RABGAP1L: variants seen among roughly 807,000 people sequenced by gnomAD.
The protein encoded by RABGAP1L is RAB GTPase activating protein 1 like, also known as rab GTPase-activating protein 1-like.
A neutral mutation model predicts 137.7 loss-of-function variants in RABGAP1L; 63 were observed. That is an observed-to-expected ratio of 0.46 (90% CI 0.37 to 0.56). RABGAP1L has a LOEUF of 0.56. RABGAP1L is among the 20% of genes least tolerant of loss of function. The pLI, the probability that RABGAP1L is intolerant of heterozygous loss-of-function variation, is 0.00. For synonymous variants in RABGAP1L, 431 were observed against 433.7 expected (o/e 0.99, Z 0.08); for missense variants, 1,095 against 1,244.0 (o/e 0.88, Z 1.80).
chr1:174,335,641 A>T lies in RABGAP1L; in HGVS notation c.1465+30514A>T, dbSNP rs577345501. 2.6e-5 allele frequency among the ~76,000 whole-genome samples: 4 copies of T among 152,328 alleles called. No individual in the cohort carries two copies. The East Asian group carries it at 7.7e-4, about 29-fold the overall frequency. ...TTAGAGAGCTACTTGGTTTTGCTTC[A>T]TCTGAATTTTAAACTGGCTTTCTGT... On this transcript the variant is annotated intron_variant, in intron 11 of 25. Transcript: ENST00000681986.
At chr1:174,757,122 T>C in intron 18 of RABGAP1L, 1 of 467,406 alleles carries the variant, frequency 2.1e-6, no homozygotes, top group Non-Finnish European at 4.4e-6. Context: ...GTTGTAATCT[T>C]GTTCAGGTTT....
chr1:174,661,403 G>A (rs1442720832), intron 14 of RABGAP1L, among the ~76,000 whole-genome samples: 1 of 152,086 alleles, frequency 6.6e-6, no homozygotes, highest in East Asian at 1.9e-4. Context: ...GATTCTAAAC[G>A]CTTGAGGAAA....
At chr1:174,174,673 C>G (rs1342654437) in intron 1 of RABGAP1L, among the ~76,000 whole-genome samples, 1 of 152,192 alleles carries the variant, frequency 6.6e-6, no homozygotes, top group Non-Finnish European at 1.5e-5. Context: ...GCTGCTGATG[C>G]AAGTCCTGGA....
intron 7 of RABGAP1L, among the ~76,000 whole-genome samples, chr1:174,261,606 G>T (rs1207125033): frequency 1.3e-5 from 2 of 152,140 alleles, no homozygotes; most frequent in African/African-American, 2.4e-5. Flanking sequence ...CAGTTTTTTA[G>T]TGTGAGTTGA....
intron 20 of RABGAP1L, 114 bp downstream of exon 20, chr1:174,957,663 C>T: frequency 1.0e-6 from 1 of 1,001,368 alleles, no homozygotes; most frequent in African/African-American, 1.6e-5. Flanking sequence ...GCAATCCTCC[C>T]ACTCCAGTCT....
At chr1:174,546,634 G>A (rs1265675755) in intron 13 of RABGAP1L, among the ~76,000 whole-genome samples, 1 of 152,190 alleles carries the variant, frequency 6.6e-6, no homozygotes, top group Non-Finnish European at 1.5e-5. Context: ...TTCAGTCCTT[G>A]CTAGGTAAGG....
intron 17 of RABGAP1L, among the ~76,000 whole-genome samples, chr1:174,741,398 T>G (rs575667833): frequency 6.6e-6 from 1 of 152,280 alleles, no homozygotes; most frequent in Non-Finnish European, 1.5e-5. Context: ...AGTCTTGCCT[T>G]GTCACCCAGG....
chr1:174,662,717 G>C (rs1464252471), intron 14 of RABGAP1L, among the ~76,000 whole-genome samples: 1 of 152,170 alleles, frequency 6.6e-6, no homozygotes, highest in Non-Finnish European at 1.5e-5. Flanking sequence ...TACCACTGGA[G>C]ATAACATCTC....
At chr1:174,723,968 A>G (rs936973309) in intron 17 of RABGAP1L, among the ~76,000 whole-genome samples, 9 of 152,242 alleles carry the variant, frequency 5.9e-5, no homozygotes, top group Non-Finnish European at 5.9e-5. Flanking sequence ...TGTGATAGCA[A>G]CTGGCATATG....
In RABGAP1L at chr1:174,310,005, G is replaced by A. The variant is rs568843089; in HGVS notation, c.1465+4878G>A. 3.3e-5 allele frequency among the ~76,000 whole-genome samples: 5 copies of A among 152,044 alleles called. No individual in the cohort carries two copies. The South Asian group carries it at 1.0e-3, about 31-fold the overall frequency. On this transcript the variant is annotated intron_variant, in intron 11 of 25. Coordinates refer to ENST00000681986, the MANE Select transcript of RABGAP1L (RefSeq NM_001366446.1). ...ATCAGGTCCTGAGCTTCCTTTTTTT[G>A]CTGGGAGACTGTTTATTACTGATCC...
At chr1:174,538,505 A>G (rs1472543740) in intron 13 of RABGAP1L, among the ~76,000 whole-genome samples, 3 of 152,194 alleles carry the variant, frequency 2.0e-5, no homozygotes, top group Non-Finnish European at 4.4e-5. Flanking sequence ...GTATAACCCT[A>G]TAGACATACC....
intron 12 of RABGAP1L, among the ~76,000 whole-genome samples, chr1:174,383,762 T>C (rs149166199): frequency 0.073 from 11,101 of 151,304 alleles, 1,312 homozygotes; most frequent in African/African-American, 0.25. Flanking sequence ...GCGTCGCTCA[T>C]GCTGGGAGCT....
At chr1:174,416,019 C>CATATATATATATATATATAT (rs143285036) in intron 13 of RABGAP1L, among the ~76,000 whole-genome samples, 2,643 of 128,382 alleles carry the variant, frequency 0.021, 63 homozygotes, top group Admixed American at 0.028. Flanking sequence ...AGAAAATTTA[C>CATATATATATATATATATAT]ATATATATAT....
chr1:174,955,507 A>T (rs1668379168), intron 19 of RABGAP1L, among the ~76,000 whole-genome samples: 1 of 152,236 alleles, frequency 6.6e-6, no homozygotes, highest in Non-Finnish European at 1.5e-5. Context: ...CATTTTAATG[A>T]AAATAAGGAA....
intron 10 of RABGAP1L, among the ~76,000 whole-genome samples, chr1:174,294,800 G>C (rs1676961514): frequency 6.6e-6 from 1 of 152,024 alleles, no homozygotes; most frequent in Non-Finnish European, 1.5e-5. Context: ...TTGAGGGAAA[G>C]GAAGAAAGGT....
chr1:174,541,961 T>G (rs545777746), intron 13 of RABGAP1L, among the ~76,000 whole-genome samples: 1 of 152,362 alleles, frequency 6.6e-6, no homozygotes, highest in East Asian at 1.9e-4. Flanking sequence ...TCGTGGTGGA[T>G]AAGCTTTTTG....
At chr1:174,549,659 T>A (rs564823173) in intron 13 of RABGAP1L, among the ~76,000 whole-genome samples, 1 of 152,322 alleles carries the variant, frequency 6.6e-6, no homozygotes, top group East Asian at 1.9e-4. Context: ...GCCAACTTGT[T>A]GCTGAATTCC....
At chr1:174,272,154 C>T (rs1674607397) in intron 7 of RABGAP1L, among the ~76,000 whole-genome samples, 3 of 151,962 alleles carry the variant, frequency 2.0e-5, no homozygotes, top group South Asian at 4.1e-4. Context: ...CAATTAACAA[C>T]TTATGGCCAC....
At chr1:174,949,159 T>G (rs1667351705) in intron 19 of RABGAP1L, among the ~76,000 whole-genome samples, 1 of 152,184 alleles carries the variant, frequency 6.6e-6, no homozygotes, top group African/African-American at 2.4e-5. Context: ...AGATAGAGAC[T>G]AGATTCTGTA....
Sources: gnomAD v4.1 joint callset for allele counts (sites outside exome capture counted in the v4.1 genomes callset) on GRCh38, gnomAD v4.1.1 for gene constraint, MANE v1.5 for transcripts, NCBI Gene and HGNC (gene_info 2026-07-23, HGNC 2026-07-21) for gene names.